SEMA3E: variants seen among roughly 807,000 people sequenced by gnomAD.
The protein encoded by SEMA3E is semaphorin-3E.
Under a neutral mutation model 93.6 loss-of-function variants are expected in SEMA3E, and 49 were observed. The ratio of observed to expected loss-of-function variants is 0.52; its 90% confidence interval spans 0.42 to 0.66. The LOEUF (loss-of-function observed/expected upper bound fraction) is 0.66. Among genes scored for constraint, SEMA3E ranks in the 30% least tolerant of loss-of-function variants. The pLI, the probability that SEMA3E is intolerant of heterozygous loss-of-function variation, is 0.00. For synonymous variants in SEMA3E, 363 were observed against 330.7 expected, an observed-to-expected ratio of 1.10 and a Z score of -1.06; for missense variants, 906 against 964.8, an observed-to-expected ratio of 0.94 and a Z score of 0.81.
intron 1 of SEMA3E, among the ~76,000 whole-genome samples, chr7:83,639,094 G>A (rs1303196854): frequency 4.2e-5 from 4 of 94,972 alleles, no homozygotes; most frequent in Non-Finnish European, 8.2e-5. Flanking sequence ...CTGGGCGACA[G>A]AGCGAGACTC....
chr7:83,414,610 T>C (rs966609112), intron 5 of SEMA3E, among the ~76,000 whole-genome samples: 1 of 152,114 alleles, frequency 6.6e-6, no homozygotes, highest in Admixed American at 6.6e-5. Context: ...AAATGTCTTA[T>C]TAGTGATTAT....
intron 1 of SEMA3E, among the ~76,000 whole-genome samples, chr7:83,587,451 G>C (rs1792654265): frequency 6.6e-6 from 1 of 152,140 alleles, no homozygotes. Context: ...TTACGTGGAT[G>C]AAAGTCTTCC....
At position 83,490,076 on chromosome 7, in the gene SEMA3E, T is replaced by G. The variant is rs745975800; in HGVS notation, c.276+38A>C. The G allele has an allele frequency of 1.2e-5, 19 of 1,601,224 alleles. No individual in the cohort carries two copies. In the South Asian group the frequency reaches 1.8e-4, roughly 15 times the overall value. ...TAACATTCTTGAAATTTCCCCCCTT[T>G]TCTATCTCTACTGAAATGCAGTTTG... On this transcript the variant is annotated intron_variant, in intron 2 of 16. Transcript: ENST00000643230.
At chr7:83,560,852 T>G (rs913203413) in intron 1 of SEMA3E, among the ~76,000 whole-genome samples, 1 of 152,026 alleles carries the variant, frequency 6.6e-6, no homozygotes. Flanking sequence ...CTTTTTAAAC[T>G]TTCATGCTAA....
intron 1 of SEMA3E, among the ~76,000 whole-genome samples, chr7:83,642,820 T>C (rs979812446): frequency 7.2e-5 from 11 of 152,194 alleles, no homozygotes; most frequent in Admixed American, 5.2e-4. Flanking sequence ...TTATAAATGG[T>C]ATAATTTTAG....
At chr7:83,394,380 A>G (rs775576195) in intron 12 of SEMA3E, 42 bp from the exon 13 acceptor site, 2 of 1,519,330 alleles carry the variant, frequency 1.3e-6, no homozygotes, top group Non-Finnish European at 1.8e-6. Context: ...AAAACAGTAT[A>G]AAAACATTTA....
At chr7:83,569,747 G>T (rs1012223798) in intron 1 of SEMA3E, among the ~76,000 whole-genome samples, 5 of 152,140 alleles carry the variant, frequency 3.3e-5, no homozygotes, top group African/African-American at 9.7e-5. Context: ...AGTTCTCCTT[G>T]ACTATGACAG....
At chr7:83,490,744 T>C (rs2115978829) in intron 1 of SEMA3E, among the ~76,000 whole-genome samples, 1 of 152,166 alleles carries the variant, frequency 6.6e-6, no homozygotes, top group East Asian at 1.9e-4. Context: ...ATCAATACAA[T>C]GAGGCATTAA....
chr7:83,444,999 T>G (rs181297312), intron 4 of SEMA3E, among the ~76,000 whole-genome samples: 232 of 151,802 alleles, frequency 1.5e-3, no homozygotes, highest in Non-Finnish European at 2.7e-3. Context: ...GGGGAAAACA[T>G]GGTCCTAAAA....
At chr7:83,381,010 G>A (rs1787765795) in intron 16 of SEMA3E, among the ~76,000 whole-genome samples, 1 of 151,954 alleles carries the variant, frequency 6.6e-6, no homozygotes, top group East Asian at 1.9e-4. Flanking sequence ...TTGTTTTTAA[G>A]CATGAAGATT....
intron 1 of SEMA3E, among the ~76,000 whole-genome samples, chr7:83,552,243 A>G (rs1019609115): frequency 5.9e-5 from 9 of 152,188 alleles, no homozygotes; most frequent in Non-Finnish European, 1.2e-4. Flanking sequence ...TAAATTGTGA[A>G]GATTTCATGG....
chr7:83,593,310 G>C (rs199871289), intron 1 of SEMA3E, among the ~76,000 whole-genome samples: 31,215 of 135,084 alleles, frequency 0.23, 3,927 homozygotes, highest in East Asian at 0.38. Flanking sequence ...GTGTGTGTGT[G>C]TGTGTGTGTG....
At chr7:83,622,939 C>A (rs1213931477) in intron 1 of SEMA3E, among the ~76,000 whole-genome samples, 1 of 152,022 alleles carries the variant, frequency 6.6e-6, no homozygotes, top group African/African-American at 2.4e-5. Context: ...CACACATTTA[C>A]CACATAACAA....
chr7:83,631,609 G>A (rs1793787103), intron 1 of SEMA3E, among the ~76,000 whole-genome samples: 1 of 152,162 alleles, frequency 6.6e-6, no homozygotes, highest in South Asian at 2.1e-4. Flanking sequence ...TTTGAATATA[G>A]GAATGTCTCA....
chr7:83,640,952 A>C (rs540016139), intron 1 of SEMA3E, among the ~76,000 whole-genome samples: 1 of 152,112 alleles, frequency 6.6e-6, no homozygotes, highest in Non-Finnish European at 1.5e-5. Flanking sequence ...GAAGAGAAAG[A>C]GAAAGAGAAG....
chr7:83,527,779 T>A (rs78690432), intron 1 of SEMA3E, among the ~76,000 whole-genome samples: 3 of 12,646 alleles, frequency 2.4e-4, no homozygotes, highest in Admixed American at 7.7e-4. Context: ...ATTTTTGTGA[T>A]TTTTTTTTTG....
intron 1 of SEMA3E, among the ~76,000 whole-genome samples, chr7:83,571,947 C>T (rs1792295825): frequency 1.3e-5 from 2 of 151,780 alleles, no homozygotes; most frequent in Non-Finnish European, 2.9e-5. Context: ...AGATGAGAGC[C>T]AATCAAGAAC....
chr7:83,370,698 C>T (rs1794738179), intron 16 of SEMA3E, among the ~76,000 whole-genome samples: 2 of 152,150 alleles, frequency 1.3e-5, no homozygotes, highest in African/African-American at 2.4e-5. Context: ...TGGCCTTTCT[C>T]ACACCCTGTA....
chr7:83,489,605 T>G (rs541271943), intron 2 of SEMA3E, among the ~76,000 whole-genome samples: 1 of 152,268 alleles, frequency 6.6e-6, no homozygotes, highest in Admixed American at 6.5e-5. Context: ...ACAGATTATT[T>G]TTCTCTTTTC....
Sources: gnomAD v4.1 joint callset for allele counts (sites outside exome capture counted in the v4.1 genomes callset) on GRCh38, gnomAD v4.1.1 for gene constraint, MANE v1.5 for transcripts, NCBI Gene and HGNC (gene_info 2026-07-23, HGNC 2026-07-21) for gene names.